ARHGAP11B: variants seen among roughly 807,000 people sequenced by gnomAD.
ARHGAP11B encodes Rho GTPase activating protein 11B, also known as inactive Rho GTPase-activating protein 11B.
A neutral mutation model predicts 27.6 loss-of-function variants in ARHGAP11B; 14 were observed. The ratio of observed to expected loss-of-function variants is 0.51; its 90% CI spans 0.34 to 0.79. The LOEUF (loss-of-function observed/expected upper bound fraction) is 0.79. ARHGAP11B is among the 30% of genes least tolerant of loss of function. The pLI is 0.02. For missense variants in ARHGAP11B, 245 were observed against 320.1 expected, an observed-to-expected ratio of 0.77 and a Z score of 1.79; for synonymous variants, 82 against 114.1, an observed-to-expected ratio of 0.72 and a Z score of 1.80.
intron 1 of ARHGAP11B, among the ~76,000 whole-genome samples, chr15:30,629,172 C>G (rs1440933457): frequency 6.6e-6 from 1 of 152,034 alleles, no homozygotes; most frequent in South Asian, 2.1e-4. Flanking sequence ...GACTTAGGAT[C>G]TGTGTGAGGA....
At chr15:30,635,056 T>C in intron 4 of ARHGAP11B, 24 bp from the exon 5 acceptor site, 1 of 1,609,854 alleles carries the variant, frequency 6.2e-7, no homozygotes, top group South Asian at 1.1e-5. Context: ...TGGCTCCATC[T>C]AATAAAGCGT....
chr15:30,628,156 C>CT (rs1449715635), intron 1 of ARHGAP11B, among the ~76,000 whole-genome samples: 1 of 151,354 alleles, frequency 6.6e-6, no homozygotes, highest in African/African-American at 2.4e-5. Context: ...TCTTGGCTCA[C>CT]TGCAAGCTCC....
chr15:30,639,971 A>AGTGTGTGTGTGTGTGT lies in ARHGAP11B; in HGVS notation c.*78+1178_*78+1193dup, dbSNP rs71103435. Among the ~76,000 whole-genome samples the AGTGTGTGTGTGTGTGT allele has an allele frequency of 5.0e-4, 71 of 143,286 alleles. 1 individual carries two copies. Among genetic ancestry groups the AGTGTGTGTGTGTGTGT allele is most frequent in the East Asian group, 1.7e-3 (8 of 4,668 alleles). 94.0% of individuals were successfully genotyped at this position (143,286 alleles called of 152,430 possible). A position where few individuals can be genotyped will look rare whatever the true frequency, so the allele number is the denominator to read the frequency against. On this transcript the variant is annotated intron_variant, in intron 7 of 10. Coordinates refer to ENST00000428041, the Ensembl canonical transcript of ARHGAP11B. ...TAAAATAGACAGTGTTTCAATATAG[A>AGTGTGTGTGTGTGTGT]GTGTGTGTGTGTGTGTGTGTGTGTG...
At chr15:30,633,058 AT>A (rs1279630055) in intron 2 of ARHGAP11B, among the ~76,000 whole-genome samples, 6 of 150,220 alleles carry the variant, frequency 4.0e-5, no homozygotes, top group African/African-American at 1.2e-4. Flanking sequence ...AGATCGAGCA[AT>A]ACGAGGACAA....
intron 1 of ARHGAP11B, among the ~76,000 whole-genome samples, chr15:30,627,682 T>C (rs1402458204): frequency 6.6e-6 from 1 of 152,044 alleles, no homozygotes; most frequent in Non-Finnish European, 1.5e-5. Flanking sequence ...CTCTGCCACA[T>C]AATCAGGAAT....
intron 7 of ARHGAP11B, among the ~76,000 whole-genome samples, chr15:30,642,483 T>C (rs2060321412): frequency 6.6e-6 from 1 of 152,042 alleles, no homozygotes; most frequent in African/African-American, 2.4e-5. Context: ...ACAAATTACA[T>C]TCAGGAGTCA....
At chr15:30,641,161 T>G (rs1567516680) in intron 7 of ARHGAP11B, among the ~76,000 whole-genome samples, 3 of 152,042 alleles carry the variant, frequency 2.0e-5, no homozygotes, top group Admixed American at 6.6e-5. Context: ...ATAATCGTAT[T>G]ATTTTTACAC....
chr15:30,626,472 G>A lies in ARHGAP11B; in HGVS notation c.-349G>A, dbSNP rs182242790. 5.1e-5 allele frequency: 15 copies of A among 292,180 alleles called. 1 individual carries two copies. Among genetic ancestry groups the A allele is most frequent in the East Asian group, 2.7e-4 (4 of 14,720 alleles). 18.1% of individuals were successfully genotyped at this position (292,180 alleles called of 1,614,324 possible). A position where few individuals can be genotyped will look rare whatever the true frequency, so the allele number is the denominator to read the frequency against. On this transcript the variant is annotated 5_prime_UTR_variant, in exon 1 of 11. Transcript: ENST00000428041. ...GGAAGGGGGATCGTTGGAAGTAGCA[G>A]GAAGTGGAGAGAATCTGGCAATAGG...
At chr15:30,649,143 C>G (rs1449929095) in exon 11 of ARHGAP11B, 1 of 151,988 alleles carries the variant, frequency 6.6e-6, no homozygotes, top group East Asian at 1.9e-4. Flanking sequence ...CCAAAATTCA[C>G]ACATACTATT....
chr15:30,645,614 A>G (rs1428419918), intron 8 of ARHGAP11B, among the ~76,000 whole-genome samples: 1 of 152,028 alleles, frequency 6.6e-6, no homozygotes, highest in Non-Finnish European at 1.5e-5. Flanking sequence ...TTTAGGGGGT[A>G]TCACATTTCC....
chr15:30,629,647 T>A (rs1455798125), intron 1 of ARHGAP11B, among the ~76,000 whole-genome samples: 1 of 152,104 alleles, frequency 6.6e-6, no homozygotes, highest in African/African-American at 2.4e-5. Flanking sequence ...TATTTGTAAA[T>A]TAATTGGAGC....
At chr15:30,646,288 C>A (rs1006544613) in exon 9 of ARHGAP11B, 17 of 942,174 alleles carry the variant, frequency 1.8e-5, no homozygotes, top group African/African-American at 1.7e-4. Context: ...CTTCTCCTTT[C>A]CCCGCTGGTA....
At chr15:30,638,912 C>A in intron 7 of ARHGAP11B, 102 bp downstream of exon 7, 1 of 658,430 alleles carries the variant, frequency 1.5e-6, no homozygotes, top group South Asian at 3.1e-5. Flanking sequence ...ACTTAGTAAT[C>A]AAATTTAGTT....
intron 8 of ARHGAP11B, among the ~76,000 whole-genome samples, chr15:30,644,862 A>G (rs1272413573): frequency 6.6e-6 from 1 of 152,066 alleles, no homozygotes; most frequent in Non-Finnish European, 1.5e-5. Flanking sequence ...ATTGTAAGTA[A>G]TCTGTAATTC....
At chr15:30,638,296 C>T (rs539150635) in intron 6 of ARHGAP11B, among the ~76,000 whole-genome samples, 24 of 152,104 alleles carry the variant, frequency 1.6e-4, no homozygotes, top group Admixed American at 1.2e-3. Flanking sequence ...TTTAGTCAAA[C>T]GGTGTTATTT....
rs890548963 is a variant in ARHGAP11B at position 30,631,036 on chromosome 15, TGAA to T, written c.200+272_200+274del. Among the ~76,000 whole-genome samples, 45 of 151,564 alleles carry T rather than the reference TGAA, an allele frequency of 3.0e-4. 1 individual carries two copies. The highest frequency in any genetic ancestry group is 3.4e-3 in the Middle Eastern group (1 of 294). ...GCAGTGAGCCTTCTAGCCAGGGAAA[TGAA>T]GAAGAAGAGAGTAAGCATTTCAAAC... On this transcript the variant is annotated intron_variant, in intron 2 of 10. Transcript: ENST00000428041.
At chr15:30,634,290 G>A (rs748018819) in exon 4 of ARHGAP11B, 2 of 1,613,242 alleles carry the variant, frequency 1.2e-6, no homozygotes, top group Non-Finnish European at 8.5e-7. Context: ...TTTGCATGAA[G>A]CACTTTTGAA....
chr15:30,646,315 C>T, intron 9 of ARHGAP11B: 1 of 793,514 alleles, frequency 1.3e-6, no homozygotes, highest in Non-Finnish European at 1.6e-6. Context: ...TGTGACATGA[C>T]TTATGCATTT....
intron 7 of ARHGAP11B, among the ~76,000 whole-genome samples, chr15:30,641,954 A>G (rs903669264): frequency 1.3e-5 from 2 of 151,844 alleles, no homozygotes; most frequent in African/African-American, 2.4e-5. Context: ...GGCCTCAAGC[A>G]ATCTGCCCTC....
Sources: gnomAD v4.1 joint callset for allele counts (sites outside exome capture counted in the v4.1 genomes callset) on GRCh38, gnomAD v4.1.1 for gene constraint, MANE v1.5 for transcripts, NCBI Gene and HGNC (gene_info 2026-07-23, HGNC 2026-07-21) for gene names.